Variants in ECM1 observed in about 807,000 individuals in gnomAD.
ECM1 encodes secretory component p85.
A neutral mutation model predicts 57.9 loss-of-function variants in ECM1; 54 were observed. The observed-to-expected ratio is 0.93, with a 90% CI of 0.75 to 1.17. The LOEUF is 1.17. Ranked by LOEUF, ECM1 falls within the 50% of genes most tolerant of loss-of-function variation. ECM1 has a pLI of 0.00. For missense variants in ECM1, 649 were observed against 688.1 expected, an observed-to-expected ratio of 0.94 and a Z score of 0.64; for synonymous variants, 237 against 259.1, an observed-to-expected ratio of 0.91 and a Z score of 0.82.
Position 150,512,427 on chromosome 1 carries a change from C to A in ECM1, c.1159C>A (p.Pro387Thr). The A allele has an allele frequency of 1.2e-6, 2 of 1,613,634 alleles. No homozygotes were observed. Among genetic ancestry groups the A allele is most frequent in the Non-Finnish European group, 1.7e-6 (2 of 1,179,944 alleles). Reference protein sequence around the residue: ...KTHHHLCCRHPPSPTRDECFA... With the variant: ...KTHHHLCCRHTPSPTRDECFA... ...CCACCACCACTTGTGTTGCCGCCAC[C>A]CTCCCAGCCCTACTCGGGATGAGTG... Residue 387 changes from proline (P) to threonine (T), a missense_variant, in exon 8 of 10, where the codon CCT (proline) becomes ACT (threonine). Pro to Thr is a conservative substitution (Grantham distance 38). Coordinates refer to ENST00000369047, the MANE Select transcript of ECM1 (RefSeq NM_004425.4).
In ECM1 at chr1:150,509,711, G is replaced by T. The variant is rs1276023429; in HGVS notation, c.172G>T (p.Asp58Tyr). 6.2e-7 allele frequency: 1 copy of T among 1,613,654 alleles called. No individual in the cohort carries two copies. Among genetic ancestry groups the T allele is most frequent in the South Asian group, 1.1e-5 (1 of 91,064 alleles). Residue 58 changes from aspartate (D) to tyrosine (Y), a missense_variant, in exon 3 of 10, where the codon GAT becomes TAT. Coordinates refer to ENST00000369047, the MANE Select transcript of ECM1 (RefSeq NM_004425.4). Reference protein sequence around the residue: ...SPPLSRSLPMDHPDSSQHGPP... With the variant: ...SPPLSRSLPMYHPDSSQHGPP... ...ACCCCTATCCCGAAGCCTCCCCATG[G>T]ATCACCCTGACTCCTCTCAGCATGG... is the stretch of plus-strand genomic sequence containing the variant.
chr1:150,513,581 T>A lies in ECM1; in HGVS notation c.*114T>A. On this transcript the variant is annotated 3_prime_UTR_variant, in exon 10 of 10. Transcript: ENST00000369047. ...TTTGGTGTCCTCATTGTCTATCTAATGTCTCACCCGCAGTGTTTTAAGTGG... is the reference window on the plus strand; with the variant it reads ...TTTGGTGTCCTCATTGTCTATCTAAAGTCTCACCCGCAGTGTTTTAAGTGG... 1 of 1,024,630 alleles carries A rather than the reference T, an allele frequency of 9.8e-7. No individual in the cohort carries two copies. Among genetic ancestry groups the A allele is most frequent in the Non-Finnish European group, 1.4e-6 (1 of 706,704 alleles). The allele number at this position is 1,024,630 out of a possible 1,614,324, so 63.5% of individuals were successfully genotyped here. A position where few individuals can be genotyped will look rare whatever the true frequency, so the allele number is the denominator to read the frequency against.
intron 1 of ECM1, among the ~76,000 whole-genome samples, chr1:150,509,112 A>C (rs764305864): frequency 6.6e-6 from 1 of 152,152 alleles, no homozygotes; most frequent in Non-Finnish European, 1.5e-5. Flanking sequence ...GGGTGGGTGG[A>C]GGAGGTGGAT....
At position 150,513,715 on chromosome 1, in the gene ECM1, C is replaced by T. The variant is rs1670506610; in HGVS notation, c.*248C>T. ...CCTTCAGTGCCTGGCCCCTGAGGCC[C>T]ACGGCCCTGCCCCCTTCACTGAGCA... On this transcript the variant is annotated 3_prime_UTR_variant, in exon 10 of 10. Coordinates refer to ENST00000369047, the MANE Select transcript of ECM1 (RefSeq NM_004425.4). 4.2e-6 allele frequency: 2 copies of T among 475,366 alleles called. No homozygotes were observed. Among genetic ancestry groups the T allele is most frequent in the East Asian group, 3.8e-5 (1 of 26,460 alleles). The allele number at this position is 475,366 out of a possible 1,614,324, so 29.4% of individuals were successfully genotyped here. A position where few individuals can be genotyped will look rare whatever the true frequency, so the allele number is the denominator to read the frequency against.
chr1:150,508,995 A>C (rs1172559610), intron 1 of ECM1, among the ~76,000 whole-genome samples: 1 of 152,070 alleles, frequency 6.6e-6, no homozygotes, highest in African/African-American at 2.4e-5. Flanking sequence ...CCCTAAATTG[A>C]GACCTAAACT....
In ECM1 at chr1:150,512,855, G is replaced by A. The variant is rs201052117; in HGVS notation, c.1392+43G>A. 3,745 of 1,602,158 alleles carry A rather than the reference G, an allele frequency of 2.3e-3. 10 individuals are homozygous for A. The highest frequency in any genetic ancestry group is 2.7e-3 in the Non-Finnish European group (3,215 of 1,169,244). ...AGTCTCCAGAGGAATGCAGGGGAGG[G>A]GAGGGAAAGAGCTAGAACTGCAGGC... On this transcript the variant is annotated intron_variant, in intron 9 of 9. Coordinates refer to ENST00000369047, the MANE Select transcript of ECM1 (RefSeq NM_004425.4).
At position 150,513,232 on chromosome 1, in the gene ECM1, A is replaced by G; in HGVS notation, c.1393-5A>G. ...ATCATCTGTTTTACTTTTCTCATTC[A>G]TCAGAAATTAACCTTCATCAATGAT... is the stretch of plus-strand genomic sequence containing the variant. On this transcript the variant is annotated splice_polypyrimidine_tract_variant and splice_region_variant and intron_variant, in intron 9 of 9. Transcript: ENST00000369047. 1 of 1,614,088 alleles carries G rather than the reference A, an allele frequency of 6.2e-7. No individual in the cohort carries two copies. Among genetic ancestry groups the G allele is most frequent in the Non-Finnish European group, 8.5e-7 (1 of 1,179,992 alleles).
intron 6 of ECM1, 110 bp from the exon 7 acceptor site, chr1:150,511,347 C>A: frequency 6.3e-7 from 1 of 1,598,738 alleles, no homozygotes; most frequent in Non-Finnish European, 8.6e-7. Context: ...GCCAGGGGAG[C>A]AGAGGACAAC....
intron 1 of ECM1, 183 bp from the exon 2 acceptor site, chr1:150,509,348 G>A (rs999002286): frequency 1.5e-5 from 10 of 676,922 alleles, no homozygotes; most frequent in Middle Eastern, 3.9e-4. Flanking sequence ...GAACCCAGCT[G>A]GTCATGTCTA....
intron 1 of ECM1, among the ~76,000 whole-genome samples, chr1:150,508,629 C>T (rs1038980586): frequency 6.6e-6 from 1 of 151,940 alleles, no homozygotes; most frequent in African/African-American, 2.4e-5. Context: ...CCCCAGGCTG[C>T]TCAAAACCGG....
At chr1:150,508,380 C>T (rs193075745) in intron 1 of ECM1, 101 bp downstream of exon 1, 94 of 1,212,292 alleles carry the variant, frequency 7.8e-5, no homozygotes, top group Admixed American at 2.0e-4. Context: ...AGTGATTCTC[C>T]GTTTGGCTTT....
rs185246960 is a variant in ECM1 at position 150,511,230 on chromosome 1, C to T, written c.708+32C>T. 98 of 1,612,210 alleles carry T rather than the reference C, an allele frequency of 6.1e-5. No homozygotes were observed. The African/African-American group carries it at 1.3e-3, about 21-fold the overall frequency. On this transcript the variant is annotated intron_variant, in intron 6 of 9. Transcript: ENST00000369047. ...TTGGGTTCTTGATGCCGGGGGGTGT[C>T]CTTTAACCCCAGACAGTATGTGTGT...
chr1:150,509,228 T>G (rs4995236), intron 1 of ECM1: 1 of 491,274 alleles, frequency 2.0e-6, no homozygotes, highest in Non-Finnish European at 3.7e-6. Context: ...AGGGAAAGAC[T>G]GGCAGAGGAA....
chr1:150,508,777 C>T (rs1212490572), intron 1 of ECM1, among the ~76,000 whole-genome samples: 1 of 151,998 alleles, frequency 6.6e-6, no homozygotes, highest in African/African-American at 2.4e-5. Flanking sequence ...AGGAACCCCT[C>T]AATGCTATGG....
Position 150,510,225 on chromosome 1 carries a change from C to T in ECM1, c.385+43C>T, listed in dbSNP as rs772317549. The T allele has an allele frequency of 3.9e-5, 62 of 1,580,852 alleles. 3 individuals are homozygous for T. The South Asian group carries it at 4.5e-4, about 12-fold the overall frequency. On this transcript the variant is annotated intron_variant, in intron 5 of 9. Transcript: ENST00000369047. ...TTCTTTACCCACCTTTACCTCATGG[C>T]CTTCCCCCAGAGCATGGGCTTCGGG...
Position 150,512,899 on chromosome 1 carries a change from C to T in ECM1, c.1392+87C>T, listed in dbSNP as rs1384683674. The T allele has an allele frequency of 4.9e-6, 7 of 1,414,484 alleles. No individual in the cohort carries two copies. The South Asian group carries it at 5.8e-5, about 12-fold the overall frequency. 87.6% of individuals were successfully genotyped at this position (1,414,484 alleles called of 1,614,324 possible). On this transcript the variant is annotated intron_variant, in intron 9 of 9. Transcript: ENST00000369047. ...TGCAGGCCACCCCTTCTCTTTAGTA[C>T]CTCAAACCAGCCTTTGGTTATAATG...
chr1:150,510,698 G>A lies in ECM1; in HGVS notation c.386-178G>A, dbSNP rs929959504. On this transcript the variant is annotated intron_variant, in intron 5 of 9. Coordinates refer to ENST00000369047, the MANE Select transcript of ECM1 (RefSeq NM_004425.4). ...TGTGAGCTGACACCTTTCACACCTC[G>A]CTTCTCTTTTCCTTTCAGTTATTTT... is the stretch of plus-strand genomic sequence containing the variant. The A allele has an allele frequency of 2.8e-4, 205 of 719,890 alleles. 3 individuals are homozygous for A. Among genetic ancestry groups the A allele is most frequent in the Non-Finnish European group, 4.3e-4 (178 of 418,386 alleles). 44.6% of individuals were successfully genotyped at this position (719,890 alleles called of 1,614,324 possible). A position where few individuals can be genotyped will look rare whatever the true frequency, so the allele number is the denominator to read the frequency against.
At chr1:150,512,594 C>T in intron 8 of ECM1, 22 bp downstream of exon 8, 1 of 1,613,748 alleles carries the variant, frequency 6.2e-7, no homozygotes, top group African/African-American at 1.3e-5. Context: ...AGTCCTTCCC[C>T]ACTCTCTTCC....
rs778473713 is a variant in ECM1, at chr1:150,511,766, CA to C, written c.1019del (p.Gln340ArgfsTer37). On this transcript the variant is annotated frameshift_variant, in exon 7 of 10. Transcript: ENST00000369047. LOFTEE classifies it high-confidence loss of function. ...PLQRELLALIQLEREFQRCCR... is the reference protein window; with the variant it reads ...PLQRELLALIXLEREFQRCCR... ...ACAAAGGGAGCTGCTGGCACTGATC[CA>C]GCTGGAGAGGGAGTTCCAGCGCTGC... 2.7e-5 allele frequency: 43 copies of C among 1,613,794 alleles called. No homozygotes were observed. Among genetic ancestry groups the C allele is most frequent in the Middle Eastern group, 1.6e-4 (1 of 6,082 alleles).
Sources: gnomAD v4.1 joint callset for allele counts (sites outside exome capture counted in the v4.1 genomes callset) on GRCh38, gnomAD v4.1.1 for gene constraint, MANE v1.5 for transcripts, NCBI Gene and HGNC (gene_info 2026-07-23, HGNC 2026-07-21) for gene names.